UHRF2: variants seen among roughly 807,000 people sequenced by gnomAD.
The protein encoded by UHRF2 is ubiquitin like with PHD and ring finger domains 2.
A neutral mutation model predicts 96.8 loss-of-function variants in UHRF2; 23 were observed. The observed-to-expected ratio is 0.24, with a 90% CI of 0.17 to 0.34. The LOEUF (loss-of-function observed/expected upper bound fraction) is 0.34, where lower values mean the gene tolerates loss of function less well. UHRF2 is among the 10% of genes least tolerant of loss of function. UHRF2 has a pLI of 1.00. For missense variants in UHRF2, 685 were observed against 981.5 expected (o/e 0.70, Z 4.04); for synonymous variants, 385 against 332.6 (o/e 1.16, Z -1.72).
At chr9:6,471,049 GAA>G (rs1298823053) in intron 4 of UHRF2, among the ~76,000 whole-genome samples, 2 of 152,192 alleles carry the variant, frequency 1.3e-5, no homozygotes, top group African/African-American at 4.8e-5. Flanking sequence ...CACAGAAGTT[GAA>G]AAGAGGTGGA....
intron 6 of UHRF2, among the ~76,000 whole-genome samples, chr9:6,479,530 C>G (rs1823797779): frequency 6.6e-6 from 1 of 152,094 alleles, no homozygotes; most frequent in Non-Finnish European, 1.5e-5. Context: ...TGCTTGTTCC[C>G]TAGATGATCT....
At chr9:6,465,272 C>T (rs902245048) in intron 4 of UHRF2, among the ~76,000 whole-genome samples, 7 of 152,112 alleles carry the variant, frequency 4.6e-5, no homozygotes, top group Admixed American at 1.3e-4. Flanking sequence ...TGTATTAATG[C>T]GTGAAATTTA....
At chr9:6,420,802 C>G (rs1819890049) in intron 1 of UHRF2, 110 bp from the exon 2 acceptor site, 10 of 812,274 alleles carry the variant, frequency 1.2e-5, no homozygotes, top group Non-Finnish European at 1.8e-5. Context: ...TTTAAAATCT[C>G]TAAACTGTAG....
intron 3 of UHRF2, among the ~76,000 whole-genome samples, chr9:6,448,169 T>A (rs1489309755): frequency 1.3e-5 from 2 of 152,166 alleles, no homozygotes; most frequent in East Asian, 3.9e-4. Context: ...GTTTCAAAGT[T>A]GCAAAAAGAC....
intron 3 of UHRF2, among the ~76,000 whole-genome samples, chr9:6,456,269 C>T (rs1170444331): frequency 6.6e-6 from 1 of 152,024 alleles, no homozygotes; most frequent in Non-Finnish European, 1.5e-5. Flanking sequence ...TTTTGATGTG[C>T]GTTTCTCTAA....
intron 3 of UHRF2, among the ~76,000 whole-genome samples, chr9:6,453,263 G>A (rs889096290): frequency 6.6e-6 from 1 of 152,154 alleles, no homozygotes; most frequent in African/African-American, 2.4e-5. Flanking sequence ...TCTCTACTTA[G>A]TTCAAAATCT....
rs147995438 is a variant in UHRF2 at position 6,479,122 on chromosome 9, C to T, written c.1160+1314C>T. Among the ~76,000 whole-genome samples, 659 of 152,204 alleles carry T rather than the reference C, an allele frequency of 4.3e-3. 22 individuals carry two copies. The highest frequency in any genetic ancestry group is 1.2e-3 in the Non-Finnish European group (83 of 68,008). ...AAAATACACACAAACCTTCCTTGAT[C>T]CCATTTCTCCCACTGGCTGCCTACC... On this transcript the variant is annotated intron_variant, in intron 6 of 15. Coordinates refer to ENST00000276893, the MANE Select transcript of UHRF2 (RefSeq NM_152896.3).
At chr9:6,442,862 C>G (rs1821259752) in intron 3 of UHRF2, among the ~76,000 whole-genome samples, 2 of 152,144 alleles carry the variant, frequency 1.3e-5, no homozygotes, top group Non-Finnish European at 2.9e-5. Flanking sequence ...ACCACCTGTT[C>G]TCTTTATCCT....
At chr9:6,441,144 C>T (rs897292580) in intron 3 of UHRF2, among the ~76,000 whole-genome samples, 16 of 151,984 alleles carry the variant, frequency 1.1e-4, no homozygotes, top group African/African-American at 3.6e-4. Context: ...TTTGGGAGGC[C>T]AAGGCAGGTG....
chr9:6,479,877 T>C (rs1200029930), intron 6 of UHRF2, among the ~76,000 whole-genome samples: 1 of 152,332 alleles, frequency 6.6e-6, no homozygotes, highest in East Asian at 1.9e-4. Flanking sequence ...AACTACCATC[T>C]CTTCCTTGAA....
At chr9:6,473,844 C>CT (rs1823397036) in intron 4 of UHRF2, among the ~76,000 whole-genome samples, 1 of 152,150 alleles carries the variant, frequency 6.6e-6, no homozygotes, top group African/African-American at 2.4e-5. Flanking sequence ...TCCAGATCAG[C>CT]TACCAATGTA....
At chr9:6,476,739 C>T (rs900115962) in intron 5 of UHRF2, among the ~76,000 whole-genome samples, 1 of 152,024 alleles carries the variant, frequency 6.6e-6, no homozygotes, top group Admixed American at 6.6e-5. Context: ...GGATTACAGG[C>T]ACCCACCACC....
intron 4 of UHRF2, among the ~76,000 whole-genome samples, chr9:6,472,824 A>C (rs1373701380): frequency 6.6e-6 from 1 of 152,216 alleles, no homozygotes; most frequent in African/African-American, 2.4e-5. Flanking sequence ...TAATATTCTA[A>C]TTTTGGTGTC....
intron 1 of UHRF2, among the ~76,000 whole-genome samples, 162 bp from the exon 2 acceptor site, chr9:6,420,750 A>C (rs937533742): frequency 6.6e-6 from 1 of 151,882 alleles, no homozygotes; most frequent in Non-Finnish European, 1.5e-5. Flanking sequence ...TGGGGTCCAG[A>C]GAAGACACTG....
chr9:6,469,030 G>GAAGGA (rs140418740), intron 4 of UHRF2, among the ~76,000 whole-genome samples: 4,488 of 152,198 alleles, frequency 0.029, 233 homozygotes, highest in African/African-American at 0.1. Flanking sequence ...TCAGAAAACA[G>GAAGGA]AAGGAATACC....
At position 6,493,836 on chromosome 9, in the gene UHRF2, A is replaced by T; in HGVS notation, c.1508A>T (p.Asp503Val). Residue 503 changes from aspartate to valine, a missense_variant, in exon 10 of 16, where the codon GAT (aspartate) becomes GTT (valine). Around this residue, in one of 6 missense-constraint regions of UHRF2, gnomAD observed 73 missense variants for 283.7 expected, o/e 0.26. Transcript: ENST00000276893. ...AATCTTCTCTGACAGGACCGAGGTG[A>T]TGAGTTCACATACACTGGAAGCGGT... ...GGFADEVDRG[D>V]EFTYTGSGGK... The T allele has an allele frequency of 1.2e-6, 2 of 1,613,384 alleles. No homozygotes were observed. The highest frequency in any genetic ancestry group is 8.5e-7 in the Non-Finnish European group (1 of 1,179,730).
rs182991101 is a variant in UHRF2 at position 6,422,765 on chromosome 9, G to A, written c.384+1623G>A. ...CTGGGATACAGGCGTGAGCCACCAT[G>A]CCCGGCTAACTTAGATCTTTGATAT... On this transcript the variant is annotated intron_variant, in intron 2 of 15. Coordinates refer to ENST00000276893, the MANE Select transcript of UHRF2 (RefSeq NM_152896.3). 3.2e-5 allele frequency: 14 copies of A among 438,358 alleles called. No homozygotes were observed. In the Admixed American group the frequency reaches 5.3e-4, roughly 17 times the overall value. 27.2% of individuals were successfully genotyped at this position (438,358 alleles called of 1,614,324 possible).
intron 14 of UHRF2, among the ~76,000 whole-genome samples, chr9:6,502,472 A>G (rs1030269369): frequency 2.6e-5 from 4 of 152,216 alleles, no homozygotes; most frequent in Non-Finnish European, 5.9e-5. Flanking sequence ...AAAAAGTCCA[A>G]ACAGATGGGG....
chr9:6,479,517 C>T (rs1293367610), intron 6 of UHRF2, among the ~76,000 whole-genome samples: 1 of 152,126 alleles, frequency 6.6e-6, no homozygotes, highest in Non-Finnish European at 1.5e-5. Context: ...TGCTAGGGAA[C>T]TATGCTTGTT....
Sources: gnomAD v4.1 joint callset for allele counts (sites outside exome capture counted in the v4.1 genomes callset) on GRCh38, gnomAD v4.1.1 for gene constraint, gnomAD v4.1.1 regional missense constraint, MANE v1.5 for transcripts, NCBI Gene and HGNC (gene_info 2026-07-23, HGNC 2026-07-21) for gene names.